The following LIPN variants were observed in gnomAD, a reference collection of about 807,000 sequenced individuals.
The protein encoded by LIPN is lipase family member N, also known as lipase member N.
In LIPN, 32 loss-of-function variants were observed where a neutral mutation model predicts 43.7. That is an observed-to-expected ratio of 0.73 (90% CI 0.55 to 0.98). The LOEUF (loss-of-function observed/expected upper bound fraction) is 0.98. LIPN is among the 50% of genes least tolerant of loss of function. LIPN has a pLI of 0.00. For synonymous variants in LIPN, 156 were observed against 157.6 expected, an observed-to-expected ratio of 0.99 and a Z score of 0.08; for missense variants, 505 against 483.8, an observed-to-expected ratio of 1.04 and a Z score of -0.41.
At chr10:88,761,158 A>C (rs190782947) in intron 1 of LIPN, among the ~76,000 whole-genome samples, 4 of 152,144 alleles carry the variant, frequency 2.6e-5, no homozygotes, top group Admixed American at 6.6e-5. Flanking sequence ...AAATGCCTCC[A>C]TACTTGATTA....
At chr10:88,765,567 T>C (rs366107) in intron 4 of LIPN, among the ~76,000 whole-genome samples, 35,254 of 151,796 alleles carry the variant, frequency 0.23, 4,213 homozygotes, top group East Asian at 0.32. Context: ...TATGGAATAC[T>C]TGATTTGACT....
intron 5 of LIPN, among the ~76,000 whole-genome samples, chr10:88,767,471 C>T (rs961769371): frequency 7.3e-5 from 11 of 151,168 alleles, no homozygotes; most frequent in African/African-American, 2.7e-4. Context: ...TGTTATTATC[C>T]CCATCTCATA....
chr10:88,774,154 C>G (rs1843256118), intron 7 of LIPN, among the ~76,000 whole-genome samples: 1 of 152,024 alleles, frequency 6.6e-6, no homozygotes. Flanking sequence ...GCATCACCCC[C>G]ACACTTGCAC....
chr10:88,759,123 A>C (rs564706969), upstream of LIPN, among the ~76,000 whole-genome samples: 1 of 152,240 alleles, frequency 6.6e-6, no homozygotes, highest in South Asian at 2.1e-4. Context: ...CTAGCTGAAC[A>C]CTTCCTTTTA....
intron 2 of LIPN, among the ~76,000 whole-genome samples, chr10:88,761,893 T>C (rs1352241361): frequency 6.6e-6 from 1 of 152,070 alleles, no homozygotes; most frequent in Non-Finnish European, 1.5e-5. Flanking sequence ...TATAGTTCTA[T>C]TACTTTTAAA....
intron 1 of LIPN, 138 bp from the exon 2 acceptor site, chr10:88,761,260 T>C: frequency 1.6e-6 from 1 of 631,044 alleles, no homozygotes; most frequent in Admixed American, 2.4e-5. Context: ...TCACTGTATT[T>C]ATTCCTTTTT....
intron 6 of LIPN, among the ~76,000 whole-genome samples, chr10:88,769,858 C>T (rs991979498): frequency 1.3e-5 from 2 of 151,966 alleles, no homozygotes; most frequent in South Asian, 4.2e-4. Context: ...ATGTAACTTC[C>T]TTATTCAAGA....
chr10:88,764,493 G>A lies in LIPN; in HGVS notation c.310G>A (p.Gly104Arg). 6.2e-7 allele frequency: 1 copy of A among 1,612,356 alleles called. No homozygotes were observed. Residue 104 changes from glycine (G) to arginine (R), a missense_variant, in exon 4 of 10, where the codon GGA becomes AGA. Gly to Arg is a moderately radical substitution (Grantham distance 125, BLOSUM62 -2). Coordinates refer to ENST00000404459, the MANE Select transcript of LIPN (RefSeq NM_001102469.2). ...TGAGAATTATGCTAATGGAAGCCTT[G>A]GATTCCTTCTAGCAGATGCAGGTTA... ...WLENYANGSL[G>R]FLLADAGYDV...
intron 2 of LIPN, among the ~76,000 whole-genome samples, chr10:88,761,978 C>T (rs878866058): frequency 1.3e-5 from 2 of 152,074 alleles, no homozygotes; most frequent in Middle Eastern, 6.8e-3. Context: ...GCTAAATTTT[C>T]CCCCAACCCC....
chr10:88,769,610 G>C, intron 6 of LIPN: 2 of 982,584 alleles, frequency 2.0e-6, no homozygotes, highest in Non-Finnish European at 2.4e-6. Flanking sequence ...CTTTGAACTT[G>C]GGATGATGGA....
chr10:88,764,546 A>C lies in LIPN; in HGVS notation c.363A>C (p.Gly121=). Residue 121 remains glycine, a synonymous_variant, in exon 4 of 10, where the codon GGA becomes GGC. Transcript: ENST00000404459. ...GYDVWMGNSR[G]NTWSRRHKTL... ...ATGTATGGATGGGAAACAGTCGGGG[A>C]AACACTTGGTCAAGAAGACACAAAA... 1.2e-6 allele frequency: 2 copies of C among 1,612,064 alleles called. No homozygotes were observed. The highest frequency in any genetic ancestry group is 1.7e-6 in the Non-Finnish European group (2 of 1,178,836).
chr10:88,777,279 C>T (rs779259467), intron 9 of LIPN, among the ~76,000 whole-genome samples: 17 of 152,088 alleles, frequency 1.1e-4, no homozygotes, highest in Non-Finnish European at 2.1e-4. Context: ...CAGGCACTGG[C>T]TACTCCACCT....
intron 3 of LIPN, among the ~76,000 whole-genome samples, chr10:88,762,860 G>A (rs1843026175): frequency 6.6e-6 from 1 of 152,038 alleles, no homozygotes; most frequent in Non-Finnish European, 1.5e-5. Context: ...GAAAGAGTAT[G>A]GTGTCAATAA....
intron 3 of LIPN, among the ~76,000 whole-genome samples, chr10:88,763,420 A>C (rs1440489312): frequency 6.6e-6 from 1 of 152,096 alleles, no homozygotes; most frequent in Admixed American, 6.6e-5. Context: ...ATTTGGCTTA[A>C]GGAGAGATAA....
At chr10:88,768,075 C>G (rs1843141516) in intron 5 of LIPN, among the ~76,000 whole-genome samples, 1 of 150,620 alleles carries the variant, frequency 6.6e-6, no homozygotes, top group African/African-American at 2.4e-5. Flanking sequence ...CCAGTGGAGG[C>G]CCAGGAAGGG....
In LIPN at chr10:88,777,955, GT is replaced by G. The variant is rs575568113; in HGVS notation, c.964-52del. The G allele has an allele frequency of 8.8e-5, 97 of 1,096,280 alleles. No individual in the cohort carries two copies. The South Asian group carries it at 1.3e-3, about 15-fold the overall frequency. The allele number at this position is 1,096,280 out of a possible 1,614,324, so 67.9% of individuals were successfully genotyped here. A position where few individuals can be genotyped will look rare whatever the true frequency, so the allele number is the denominator to read the frequency against. On this transcript the variant is annotated intron_variant, in intron 9 of 9. Transcript: ENST00000404459. Reference sequence around the variant, plus strand: ...CCACATTCATTTAGCAGCCTTTGTAGTTATTGCTTTGAGGAGCTTCCTCTCA... The same window carrying G: ...CCACATTCATTTAGCAGCCTTTGTAGTATTGCTTTGAGGAGCTTCCTCTCA...
rs1258688156 is a variant in LIPN at position 88,770,890 on chromosome 10, A to G, written c.718A>G (p.Lys240Glu). Reference protein sequence around the residue: ...KGFFLEDKKTKIASTKICNNK... With the variant: ...KGFFLEDKKTEIASTKICNNK... Reference sequence around the variant, plus strand: ...TTTCTTTTTAGAAGATAAGAAAACGAAGATAGCTTCTACCAAAATCTGCAA... The same window carrying G: ...TTTCTTTTTAGAAGATAAGAAAACGGAGATAGCTTCTACCAAAATCTGCAA... The change falls in exon 7 of 10, where the codon AAG (lysine) becomes GAG (glutamate). Residue 240 changes from lysine to glutamate, a missense_variant. By Grantham distance (56) the Lys-to-Glu change is moderately conservative. Coordinates refer to ENST00000404459, the MANE Select transcript of LIPN (RefSeq NM_001102469.2). 6.5e-7 allele frequency: 1 copy of G among 1,542,288 alleles called. No individual in the cohort carries two copies. The highest frequency in any genetic ancestry group is 1.4e-5 in the African/African-American group (1 of 72,686).
In LIPN at chr10:88,760,088, G is replaced by A. The variant is rs550454908; in HGVS notation, c.-27G>A. On this transcript the variant is annotated 5_prime_UTR_variant, in exon 1 of 10. It adds an upstream start codon to the 5' untranslated region. Coordinates refer to ENST00000404459, the MANE Select transcript of LIPN (RefSeq NM_001102469.2). ...ATCAATAAGGAGTCCTTGTGAGCAG[G>A]TGAAGCTCATCTAACTAGGTAAGAT... is the stretch of plus-strand genomic sequence containing the variant. 6.6e-6 allele frequency among the ~76,000 whole-genome samples: 1 copy of A among 152,178 alleles called. No homozygotes were observed. Among genetic ancestry groups the A allele is most frequent in the South Asian group, 2.1e-4 (1 of 4,816 alleles).
chr10:88,777,308 T>C (rs1843311352), intron 9 of LIPN, among the ~76,000 whole-genome samples: 1 of 152,094 alleles, frequency 6.6e-6, no homozygotes, highest in Non-Finnish European at 1.5e-5. Flanking sequence ...TCTGAAATCA[T>C]TAGCATTCCC....
Sources: gnomAD v4.1 joint callset for allele counts (sites outside exome capture counted in the v4.1 genomes callset) on GRCh38, gnomAD v4.1.1 for gene constraint, MANE v1.5 for transcripts, NCBI Gene and HGNC (gene_info 2026-07-23, HGNC 2026-07-21) for gene names.